PELP1: variants seen among roughly 807,000 people sequenced by gnomAD.
PELP1 encodes proline-, glutamic acid- and leucine-rich protein 1.
Under a neutral mutation model 95.5 loss-of-function variants are expected in PELP1, and 32 were observed. The ratio of observed to expected loss-of-function variants is 0.34; its 90% CI spans 0.25 to 0.45. The LOEUF is 0.45. Among genes scored for constraint, PELP1 ranks in the 20% least tolerant of loss-of-function variants. PELP1 has a pLI of 1.00. For synonymous variants in PELP1, 668 were observed against 600.1 expected (o/e 1.11, Z -1.65); for missense variants, 1,358 against 1,444.8 (o/e 0.94, Z 0.97).
Position 4,672,043 on chromosome 17 carries a change from G to A in PELP1, c.2948C>T (p.Pro983Leu), listed in dbSNP as rs1912228753. ...EEGAPPPPTL[P>L]PALPPPESPP... Reference sequence around the variant, plus strand: ...AGACTCAGGGGGAGGCAGAGCTGGAGGCAGGGTTGGGGGTGGAGGTGCACC... The same window carrying A: ...AGACTCAGGGGGAGGCAGAGCTGGAAGCAGGGTTGGGGGTGGAGGTGCACC... The change falls in exon 16 of 17, where the codon CCT becomes CTT. Residue 983 changes from proline to leucine, a missense_variant. Around this residue, in one of 7 missense-constraint regions of PELP1, gnomAD observed 283 missense variants for 284.1 expected, o/e 1.00. Coordinates refer to ENST00000572293, the MANE Select transcript of PELP1 (RefSeq NM_014389.3). 6.4e-7 allele frequency: 1 copy of A among 1,569,068 alleles called. No homozygotes were observed. Among genetic ancestry groups the A allele is most frequent in the African/African-American group, 1.4e-5 (1 of 74,056 alleles).
chr17:4,692,095 G>A (rs945857638), intron 1 of PELP1, among the ~76,000 whole-genome samples: 12 of 152,276 alleles, frequency 7.9e-5, no homozygotes, highest in Admixed American at 3.9e-4. Context: ...ATGAGGTTAC[G>A]TGAAGGAATA....
intron 1 of PELP1, among the ~76,000 whole-genome samples, chr17:4,697,718 T>C (rs746553217): frequency 6.6e-6 from 1 of 152,056 alleles, no homozygotes; most frequent in African/African-American, 2.4e-5. Context: ...CAGCAAAGGG[T>C]TGTTTCGGCA....
intron 1 of PELP1, among the ~76,000 whole-genome samples, chr17:4,694,731 G>A (rs534931499): frequency 8.2e-4 from 124 of 152,068 alleles, no homozygotes; most frequent in African/African-American, 2.9e-3. Flanking sequence ...CCAGCACTTT[G>A]GGGGGCCGAG....
In PELP1 at chr17:4,674,610, G is replaced by T; in HGVS notation, c.1482C>A (p.Pro494=). The T allele has an allele frequency of 6.2e-7, 1 of 1,608,110 alleles. No individual in the cohort carries two copies. The change falls in exon 13 of 17, where the codon CCC becomes CCA. Residue 494 remains proline, a synonymous_variant. Coordinates refer to ENST00000572293, the MANE Select transcript of PELP1 (RefSeq NM_014389.3). The stretch of plus-strand genomic sequence containing the variant: ...CCCCCACATCCAGCTTTAGCTTCTT[G>T]GGGGCGCTAGGCTTCCCAGTCTGCA... ...GSLQTGKPSA[P]KKLKLDVGEA...
In PELP1 at chr17:4,672,294, T is replaced by TTCTTCTTCCTCTTCTTCCTCTTCC. The variant is rs1912246773; in HGVS notation, c.2673_2696dup (p.Glu901_Glu908dup). Reference sequence around the variant, plus strand: ...CCTCCTCTTCCTCTTCTTCCTCTTCTTCTTCTTCCTCTTCTTCCTCTTCCT... The same window carrying TTCTTCTTCCTCTTCTTCCTCTTCC: ...CCTCCTCTTCCTCTTCTTCCTCTTCTTCTTCTTCCTCTTCTTCCTCTTCCTCTTCTTCCTCTTCTTCCTCTTCCT... On this transcript the variant is annotated inframe_insertion, in exon 16 of 17. Transcript: ENST00000572293. 1 of 1,551,130 alleles carries TTCTTCTTCCTCTTCTTCCTCTTCC rather than the reference T, an allele frequency of 6.4e-7. No individual in the cohort carries two copies. Among genetic ancestry groups the TTCTTCTTCCTCTTCTTCCTCTTCC allele is most frequent in the African/African-American group, 1.4e-5 (1 of 72,942 alleles).
At chr17:4,686,738 G>A (rs1252966696) in intron 3 of PELP1, among the ~76,000 whole-genome samples, 3 of 152,014 alleles carry the variant, frequency 2.0e-5, no homozygotes, top group Non-Finnish European at 2.9e-5. Context: ...GGCTGGTCTC[G>A]AACTCCCGAC....
chr17:4,676,801 G>T lies in PELP1; in HGVS notation c.654C>A (p.Ala218=). Residue 218 remains alanine (A), a synonymous_variant, in exon 6 of 17, where the codon GCC becomes GCA. Transcript: ENST00000572293. ...CATCCACCCTAGACAGAAAAAATGAGGCCAGCTTGCCCTGGATGTGGAGGA... is the reference window on the plus strand; with the variant it reads ...CATCCACCCTAGACAGAAAAAATGATGCCAGCTTGCCCTGGATGTGGAGGA... ...RACGSLKGKL[A]SFFLSRVDAL... 1 of 1,566,024 alleles carries T rather than the reference G, an allele frequency of 6.4e-7. No individual in the cohort carries two copies. Among genetic ancestry groups the T allele is most frequent in the Non-Finnish European group, 8.7e-7 (1 of 1,154,870 alleles).
At chr17:4,691,056 C>T in intron 2 of PELP1, 63 bp from the exon 3 acceptor site, 1 of 1,131,320 alleles carries the variant, frequency 8.8e-7, no homozygotes, top group East Asian at 2.4e-5. Flanking sequence ...AAAGTGACTG[C>T]TCTTTTATTC....
chr17:4,681,661 G>A (rs1468273518), intron 5 of PELP1, among the ~76,000 whole-genome samples: 3 of 151,910 alleles, frequency 2.0e-5, no homozygotes, highest in Non-Finnish European at 2.9e-5. Context: ...TTAGCTGGGC[G>A]TAGTGGTATG....
At chr17:4,684,674 T>TA (rs1912842897) in intron 3 of PELP1, among the ~76,000 whole-genome samples, 1 of 152,130 alleles carries the variant, frequency 6.6e-6, no homozygotes, top group Non-Finnish European at 1.5e-5. Flanking sequence ...TCTCCCATCT[T>TA]AAAAAAATCT....
At chr17:4,691,613 T>C in intron 1 of PELP1, 171 bp from the exon 2 acceptor site, 1 of 607,370 alleles carries the variant, frequency 1.6e-6, no homozygotes. Flanking sequence ...TTTTTTCCTG[T>C]GGGAAAGGCT....
intron 3 of PELP1, among the ~76,000 whole-genome samples, chr17:4,684,033 C>T (rs905718268): frequency 6.6e-6 from 1 of 151,722 alleles, no homozygotes; most frequent in Non-Finnish European, 1.5e-5. Flanking sequence ...GCCATCTCTT[C>T]GAGGTTGTTG....
chr17:4,687,913 C>G (rs1203571126), intron 3 of PELP1, among the ~76,000 whole-genome samples: 1 of 152,230 alleles, frequency 6.6e-6, no homozygotes, highest in Non-Finnish European at 1.5e-5. Context: ...CAACCTTATA[C>G]TGAACAGGGA....
intron 5 of PELP1, among the ~76,000 whole-genome samples, chr17:4,681,862 A>T (rs1055632313): frequency 6.6e-6 from 1 of 151,988 alleles, no homozygotes; most frequent in African/African-American, 2.4e-5. Context: ...TAAAAAAAAA[A>T]TGAATAAAGT....
chr17:4,701,324 TG>T (rs112069128), intron 1 of PELP1, among the ~76,000 whole-genome samples: 4 of 129,448 alleles, frequency 3.1e-5, no homozygotes, highest in East Asian at 5.4e-4. Flanking sequence ...GGATGAGAGT[TG>T]GGGGGGTGGG....
chr17:4,671,990 G>A lies in PELP1; in HGVS notation c.3001C>T (p.Pro1001Ser). The change falls in exon 16 of 17, where the codon CCT becomes TCT. Residue 1001 changes from proline to serine, a missense_variant. Transcript: ENST00000572293. ...ACTTCCAAAAGCAGCCCGGGTTCAG[G>A]TTCGGGTTCTGGCTGCACCTTTGGG... The part of the protein sequence containing the change: ...SPPKVQPEPE[P>S]EPGLLLEVEE... 6.5e-7 allele frequency: 1 copy of A among 1,550,226 alleles called. No homozygotes were observed. Among genetic ancestry groups the A allele is most frequent in the Non-Finnish European group, 8.7e-7 (1 of 1,152,114 alleles).
At chr17:4,684,148 T>C (rs1912821985) in intron 3 of PELP1, among the ~76,000 whole-genome samples, 1 of 152,110 alleles carries the variant, frequency 6.6e-6, no homozygotes, top group African/African-American at 2.4e-5. Flanking sequence ...ACATCCAGCA[T>C]ATATCTCCTG....
chr17:4,695,788 T>G (rs1281902457), intron 1 of PELP1, among the ~76,000 whole-genome samples: 1 of 145,148 alleles, frequency 6.9e-6, no homozygotes, highest in Non-Finnish European at 1.5e-5. Flanking sequence ...AGAACAGCCT[T>G]GCCAACGTGG....
At chr17:4,699,888 T>C (rs763822413) in intron 1 of PELP1, among the ~76,000 whole-genome samples, 15 of 132,382 alleles carry the variant, frequency 1.1e-4, no homozygotes, top group Non-Finnish European at 1.7e-4. Context: ...CACCCAGCCC[T>C]AGAGGGTGAT....
Sources: gnomAD v4.1 joint callset for allele counts (sites outside exome capture counted in the v4.1 genomes callset) on GRCh38, gnomAD v4.1.1 for gene constraint, gnomAD v4.1.1 regional missense constraint, MANE v1.5 for transcripts, NCBI Gene and HGNC (gene_info 2026-07-23, HGNC 2026-07-21) for gene names.